VPS37B: variants seen among roughly 807,000 people sequenced by gnomAD.
VPS37B encodes the protein VPS37B subunit of ESCRT-I, also known as vacuolar protein sorting-associated protein 37B.
A neutral mutation model predicts 21.2 loss-of-function variants in VPS37B; 11 were observed. The observed-to-expected ratio is 0.52, with a 90% CI of 0.33 to 0.86. The LOEUF (loss-of-function observed/expected upper bound fraction) is 0.86, where lower values mean the gene tolerates loss of function less well. Ranked by LOEUF, VPS37B falls within the 40% of genes least tolerant of loss-of-function variation. The pLI is 0.03. For synonymous variants in VPS37B, 175 were observed against 159.6 expected (o/e 1.10, Z -0.73); for missense variants, 389 against 374.8 (o/e 1.04, Z -0.31).
At chr12:122,891,868 ACAACCTGT>A (rs2034416646) in intron 1 of VPS37B, among the ~76,000 whole-genome samples, 1 of 152,226 alleles carries the variant, frequency 6.6e-6, no homozygotes, top group Non-Finnish European at 1.5e-5. Context: ...TTTCCACAAA[ACAACCTGT>A]CTTTCAGACC....
At chr12:122,877,405 AG>A (rs999942751) in intron 1 of VPS37B, 36 of 152,180 alleles carry the variant, frequency 2.4e-4, no homozygotes, top group African/African-American at 8.7e-4. Flanking sequence ...TTTTTGAGAC[AG>A]GGTCTTGTTC....
chr12:122,870,721 G>T, intron 2 of VPS37B, 169 bp downstream of exon 2: 1 of 689,562 alleles, frequency 1.5e-6, no homozygotes, highest in Non-Finnish European at 2.3e-6. Flanking sequence ...GCAAGACCCT[G>T]TCTCTAAAAA....
chr12:122,867,618 C>T lies in VPS37B; in HGVS notation c.367-11G>A, dbSNP rs770159101. ...CTTCTCTGCCATGTTCTGAAAGAGG[C>T]AGAAACCTGGTTACAGGGACAGCCA... On this transcript the variant is annotated splice_polypyrimidine_tract_variant and intron_variant, in intron 3 of 3. Coordinates refer to ENST00000267202, the MANE Select transcript of VPS37B (RefSeq NM_024667.3). This position sits in a 1 kb window ranked among gnomAD's most constrained non-coding sequence, Gnocchi z 5.5. The T allele has an allele frequency of 6.2e-7, 1 of 1,611,426 alleles. No homozygotes were observed.
At chr12:122,895,298 A>G (rs1315421358) in intron 1 of VPS37B, among the ~76,000 whole-genome samples, 4 of 151,598 alleles carry the variant, frequency 2.6e-5, no homozygotes, top group Non-Finnish European at 4.4e-5. Flanking sequence ...ATCCTCTCCT[A>G]AGAGTCCTAT....
At position 122,865,796 on chromosome 12, in the gene VPS37B, G is replaced by A. The variant is rs529969541; in HGVS notation, c.*1320C>T. 1 of 152,422 alleles carries A rather than the reference G, an allele frequency of 6.6e-6. No homozygotes were observed. Among genetic ancestry groups the A allele is most frequent in the East Asian group, 1.9e-4 (1 of 5,194 alleles). 9.4% of individuals were successfully genotyped at this position (152,422 alleles called of 1,614,324 possible). The stretch of plus-strand genomic sequence containing the variant: ...TGACAGGGGAGGGGCGGGCCAGAAG[G>A]TCCACTGGTAAGCACCTCGGCCTTT... On this transcript the variant is annotated 3_prime_UTR_variant, in exon 4 of 4. Transcript: ENST00000267202.
At chr12:122,895,664 A>G (rs1005318815) in intron 1 of VPS37B, among the ~76,000 whole-genome samples, 6 of 151,692 alleles carry the variant, frequency 4.0e-5, no homozygotes, top group Admixed American at 6.6e-5. Context: ...ACCTTGTCTC[A>G]GGACCCCCAA....
intron 1 of VPS37B, chr12:122,882,747 G>T (rs928486375): frequency 6.6e-6 from 1 of 152,144 alleles, no homozygotes; most frequent in African/African-American, 2.4e-5. Context: ...TACATTAAAG[G>T]CTAGGTTATT....
At chr12:122,885,417 C>A (rs1458028294) in intron 1 of VPS37B, 1 of 151,962 alleles carries the variant, frequency 6.6e-6, no homozygotes, top group Non-Finnish European at 1.5e-5. Flanking sequence ...GATCACATAG[C>A]TGTTAAAAAT....
rs773542991 is a variant in VPS37B at position 122,867,350 on chromosome 12, G to A, written c.624C>T (p.Pro208=). The A allele has an allele frequency of 4.4e-6, 7 of 1,598,860 alleles. No individual in the cohort carries two copies. The highest frequency in any genetic ancestry group is 6.0e-6 in the Non-Finnish European group (7 of 1,173,696). Residue 208 remains proline (P), a synonymous_variant, in exon 4 of 4, where the codon CCC becomes CCT. Coordinates refer to ENST00000267202, the MANE Select transcript of VPS37B (RefSeq NM_024667.3). This position sits in a 1 kb window ranked among gnomAD's most constrained non-coding sequence, Gnocchi z 5.5. ...CCGCAGGCACCGGGGGTGGTGGGGG[G>A]GGGATGCGCCGAGGTGCAACGGCAG... is the stretch of plus-strand genomic sequence containing the variant. ...GPPAVAPRRI[P]PPPPPVPAGR...
In VPS37B at chr12:122,868,466, C is replaced by T; in HGVS notation, c.366+14G>A. On this transcript the variant is annotated intron_variant, in intron 3 of 3. Transcript: ENST00000267202. The surrounding 1 kb of genome is among the most constrained non-coding windows in gnomAD (Gnocchi z 5.5). Reference sequence around the variant, plus strand: ...AAGCGCCCCAAGGATTCCACCAAGGCTGGTGGGCTTTACCTCAGTGTCTTC... The same window carrying T: ...AAGCGCCCCAAGGATTCCACCAAGGTTGGTGGGCTTTACCTCAGTGTCTTC... 3 of 1,610,800 alleles carry T rather than the reference C, an allele frequency of 1.9e-6. No individual in the cohort carries two copies. Among genetic ancestry groups the T allele is most frequent in the Non-Finnish European group, 1.7e-6 (2 of 1,178,772 alleles).
chr12:122,867,824 C>T lies in VPS37B; in HGVS notation c.367-217G>A, dbSNP rs555956957. Among the ~76,000 whole-genome samples, 3 of 152,308 alleles carry T rather than the reference C, an allele frequency of 2.0e-5. No individual in the cohort carries two copies. The highest frequency in any genetic ancestry group is 1.9e-4 in the East Asian group (1 of 5,188). On this transcript the variant is annotated intron_variant, in intron 3 of 3. Coordinates refer to ENST00000267202, the MANE Select transcript of VPS37B (RefSeq NM_024667.3). The surrounding 1 kb of genome is among the most constrained non-coding windows in gnomAD (Gnocchi z 5.5). Reference sequence around the variant, plus strand: ...GGTGGAGAGGACGACAGCCCTGCTGCGCACCCCACCACCAGCGTGACAGGC... The same window carrying T: ...GGTGGAGAGGACGACAGCCCTGCTGTGCACCCCACCACCAGCGTGACAGGC...
intron 1 of VPS37B, chr12:122,884,567 A>G (rs749865096): frequency 6.6e-6 from 1 of 152,188 alleles, no homozygotes; most frequent in Non-Finnish European, 1.5e-5. Flanking sequence ...CTGTGTAAGT[A>G]TGAGATTCCA....
chr12:122,878,098 C>G (rs1168293415), intron 1 of VPS37B: 1 of 152,148 alleles, frequency 6.6e-6, no homozygotes, highest in East Asian at 1.9e-4. Context: ...CGGTGGCTTA[C>G]GCCTGTAATC....
At chr12:122,870,820 A>T in intron 2 of VPS37B, 70 bp downstream of exon 2, 1 of 1,501,074 alleles carries the variant, frequency 6.7e-7, no homozygotes, top group Non-Finnish European at 9.0e-7. Flanking sequence ...CTTTCCTGGT[A>T]GGGCAATAGC....
At chr12:122,871,991 G>C in intron 1 of VPS37B, 1 of 985,268 alleles carries the variant, frequency 1.0e-6, no homozygotes, top group South Asian at 4.7e-5. Flanking sequence ...CTTACCCAGC[G>C]TGTGTCCCTG....
In VPS37B at chr12:122,867,756, TC is replaced by T; in HGVS notation, c.367-150del. The T allele has an allele frequency of 9.5e-7, 1 of 1,051,704 alleles. No individual in the cohort carries two copies. The highest frequency in any genetic ancestry group is 1.4e-6 in the Non-Finnish European group (1 of 724,120). 65.1% of individuals were successfully genotyped at this position (1,051,704 alleles called of 1,614,324 possible). ...CAGAGGGCCTCGCTCCTGCTCCAGA[TC>T]CCAGAGGTCATGGGCTCAGGCTTCA... On this transcript the variant is annotated intron_variant, in intron 3 of 3. Transcript: ENST00000267202. The surrounding 1 kb of genome is among the most constrained non-coding windows in gnomAD (Gnocchi z 5.5).
Position 122,868,891 on chromosome 12 carries a change from G to A in VPS37B, c.284-329C>T, listed in dbSNP as rs951305281. Among the ~76,000 whole-genome samples, 18 of 152,078 alleles carry A rather than the reference G, an allele frequency of 1.2e-4. No homozygotes were observed. Among genetic ancestry groups the A allele is most frequent in the African/African-American group, 3.4e-4 (14 of 41,378 alleles). On this transcript the variant is annotated intron_variant, in intron 2 of 3. Transcript: ENST00000267202. The surrounding 1 kb of genome is among the most constrained non-coding windows in gnomAD (Gnocchi z 5.5). Reference sequence around the variant, plus strand: ...TCAAGTGTGTAAGTCAAATTTCCACGTGTTTAACCGCCAACCACCACCCCC... The same window carrying A: ...TCAAGTGTGTAAGTCAAATTTCCACATGTTTAACCGCCAACCACCACCCCC...
chr12:122,865,979 C>G lies in VPS37B; in HGVS notation c.*1137G>C, dbSNP rs944130614. On this transcript the variant is annotated 3_prime_UTR_variant, in exon 4 of 4. Coordinates refer to ENST00000267202, the MANE Select transcript of VPS37B (RefSeq NM_024667.3). ...CATGGGGCGGGCTTTCGCCAAACCC[C>G]TAACGTTGCCCACCCTGAGGCCCAG... The G allele has an allele frequency of 6.6e-6, 1 of 152,654 alleles. No individual in the cohort carries two copies. Among genetic ancestry groups the G allele is most frequent in the Non-Finnish European group, 1.5e-5 (1 of 68,202 alleles). The allele number at this position is 152,654 out of a possible 1,614,324, so 9.5% of individuals were successfully genotyped here.
At chr12:122,885,809 G>A (rs952888259) in intron 1 of VPS37B, 16 of 148,226 alleles carry the variant, frequency 1.1e-4, no homozygotes, top group East Asian at 2.0e-4. Context: ...TCAGCCTCCC[G>A]AGTAGCTGGG....
Sources: gnomAD v4.1 joint callset for allele counts (sites outside exome capture counted in the v4.1 genomes callset) on GRCh38, gnomAD v4.1.1 for gene constraint, Gnocchi (gnomAD v3.1) non-coding constraint, MANE v1.5 for transcripts, NCBI Gene and HGNC (gene_info 2026-07-23, HGNC 2026-07-21) for gene names.